NBAS: variants seen among roughly 807,000 people sequenced by gnomAD.
The protein encoded by NBAS is NAG/BC035112 fusion.
Under a neutral mutation model 302.5 loss-of-function variants are expected in NBAS, and 219 were observed. The observed-to-expected ratio is 0.72, with a 90% confidence interval of 0.65 to 0.81. The LOEUF is 0.81. Ranked by LOEUF, NBAS falls within the 30% of genes least tolerant of loss-of-function variation. The pLI is 0.00. For synonymous variants in NBAS, 1,118 were observed against 1,021.6 expected (o/e 1.09, Z -1.80); for missense variants, 2,932 against 2,841.6 (o/e 1.03, Z -0.72).
chr2:14,999,464 C>T, the NBAS span, among the ~76,000 whole-genome samples: 6 of 152,080 alleles, frequency 3.9e-5, no homozygotes, highest in African/African-American at 7.2e-5. Context: ...GAGGTGATTG[C>T]GTCATGGGGG....
At chr2:14,821,376 C>T in the NBAS span, among the ~76,000 whole-genome samples, 1 of 152,152 alleles carries the variant, frequency 6.6e-6, no homozygotes, top group East Asian at 1.9e-4. Context: ...TGTTATGTGA[C>T]GCTGATGATA....
the NBAS span, among the ~76,000 whole-genome samples, chr2:15,085,426 C>T: frequency 6.6e-6 from 1 of 152,118 alleles, no homozygotes; most frequent in Non-Finnish European, 1.5e-5. Context: ...AGGCCTGGGG[C>T]CCGATCCCCT....
At chr2:14,913,074 GA>G in the NBAS span, among the ~76,000 whole-genome samples, 2 of 152,170 alleles carry the variant, frequency 1.3e-5, no homozygotes, top group African/African-American at 4.8e-5. Context: ...TCATTCATGA[GA>G]ATGAAAACAA....
chr2:15,451,376 C>T (rs1679002385), intron 21 of NBAS, among the ~76,000 whole-genome samples: 1 of 152,068 alleles, frequency 6.6e-6, no homozygotes, highest in Admixed American at 6.5e-5. Context: ...TTGAAAGCTG[C>T]CTAGAGTCCA....
chr2:15,554,797 T>C (rs895045381), intron 3 of NBAS, among the ~76,000 whole-genome samples: 1 of 151,744 alleles, frequency 6.6e-6, no homozygotes, highest in Non-Finnish European at 1.5e-5. Context: ...CTGTGGAGGA[T>C]AAGAATAAAA....
intron 50 of NBAS, 137 bp from the exon 51 acceptor site, chr2:15,179,253 GATATACTGA>G (rs1293702738): frequency 2.8e-5 from 37 of 1,302,140 alleles, no homozygotes; most frequent in Non-Finnish European, 3.4e-5. Flanking sequence ...TACCGCACTG[GATATACTGA>G]ATATGGGCGT....
chr2:15,445,664 A>G (rs1161367307), intron 21 of NBAS, among the ~76,000 whole-genome samples: 1 of 151,952 alleles, frequency 6.6e-6, no homozygotes, highest in Non-Finnish European at 1.5e-5. Context: ...ATAATAAAAA[A>G]AAATTTTTAA....
At chr2:15,097,662 C>T in the NBAS span, among the ~76,000 whole-genome samples, 1 of 151,306 alleles carries the variant, frequency 6.6e-6, no homozygotes, top group Non-Finnish European at 1.5e-5. Context: ...TTCTGGGGCC[C>T]CTTTTATGAG....
chr2:15,437,729 T>C (rs987235986), intron 21 of NBAS, among the ~76,000 whole-genome samples: 1 of 152,196 alleles, frequency 6.6e-6, no homozygotes, highest in Non-Finnish European at 1.5e-5. Flanking sequence ...CATTCATTCA[T>C]TCCACAAACC....
chr2:15,429,031 C>G (rs1375898535), intron 21 of NBAS, among the ~76,000 whole-genome samples: 1 of 111,234 alleles, frequency 9.0e-6, no homozygotes, highest in Non-Finnish European at 1.9e-5. Flanking sequence ...GACTGATACT[C>G]TGTCTCAAAA....
chr2:15,275,978 G>A (rs1478101955), intron 43 of NBAS, among the ~76,000 whole-genome samples, 160 bp from the exon 44 acceptor site: 1 of 152,150 alleles, frequency 6.6e-6, no homozygotes, highest in Non-Finnish European at 1.5e-5. Context: ...AAGATCAGGA[G>A]ATCTGAGTTC....
chr2:14,904,292 G>A, the NBAS span, among the ~76,000 whole-genome samples: 1 of 152,186 alleles, frequency 6.6e-6, no homozygotes, highest in African/African-American at 2.4e-5. Context: ...GGCTCAGTCT[G>A]AGTCCAGAAA....
chr2:15,349,483 T>C (rs1164712036), intron 35 of NBAS, among the ~76,000 whole-genome samples: 1 of 152,020 alleles, frequency 6.6e-6, no homozygotes, highest in Non-Finnish European at 1.5e-5. Context: ...CCCTAGAAAA[T>C]GCTATGGCTG....
intron 38 of NBAS, among the ~76,000 whole-genome samples, chr2:15,325,255 C>T (rs1328439286): frequency 6.6e-6 from 1 of 152,116 alleles, no homozygotes; most frequent in African/African-American, 2.4e-5. Flanking sequence ...AACTGTATCA[C>T]ACAAATTATT....
chr2:15,140,248 G>A, the NBAS span, among the ~76,000 whole-genome samples: 17 of 152,184 alleles, frequency 1.1e-4, no homozygotes, highest in African/African-American at 4.1e-4. Context: ...GCTTCCAGTT[G>A]TCAAGTCACC....
chr2:15,422,084 A>G (rs1253776853), intron 23 of NBAS, among the ~76,000 whole-genome samples: 1 of 152,160 alleles, frequency 6.6e-6, no homozygotes, highest in Admixed American at 6.5e-5. Flanking sequence ...TCCAATGAAG[A>G]ACAGTTTCAC....
the NBAS span, among the ~76,000 whole-genome samples, chr2:14,994,183 C>T: frequency 1.3e-5 from 2 of 152,134 alleles, no homozygotes; most frequent in Non-Finnish European, 2.9e-5. Flanking sequence ...AACATGTGCT[C>T]AATAAGTGTA....
chr2:15,483,309 C>T lies in NBAS; in HGVS notation c.1084-5020G>A, dbSNP rs190003595. On this transcript the variant is annotated intron_variant, in intron 12 of 51. Coordinates refer to ENST00000281513, the MANE Select transcript of NBAS (RefSeq NM_015909.4). The stretch of plus-strand genomic sequence containing the variant: ...AGCTGTGGATTATATCAAGATTCAT[C>T]GCATCAACTGCCATCTTCCCACTTA... 1.6e-3 allele frequency: 649 copies of T among 417,152 alleles called. 2 individuals are homozygous for T. The highest frequency in any genetic ancestry group is 6.4e-3 in the Middle Eastern group (18 of 2,834). 25.8% of individuals were successfully genotyped at this position (417,152 alleles called of 1,614,324 possible). A position where few individuals can be genotyped will look rare whatever the true frequency, so the allele number is the denominator to read the frequency against.
At chr2:14,787,354 T>C in the NBAS span, among the ~76,000 whole-genome samples, 4 of 152,188 alleles carry the variant, frequency 2.6e-5, no homozygotes, top group East Asian at 1.9e-4. Flanking sequence ...GTGAATTTGA[T>C]CCTGTCATTA....
Sources: allele counts gnomAD v4.1 joint callset (sites outside exome capture counted in the v4.1 genomes callset), GRCh38; gene constraint gnomAD v4.1.1; transcripts MANE v1.5; gene names NCBI Gene and HGNC (gene_info 2026-07-23, HGNC 2026-07-21).